The following DPH6 variants were observed in gnomAD, a reference collection of about 807,000 sequenced individuals.
DPH6 encodes the protein diphthine--ammonia ligase.
DPH6 carries 33 observed loss-of-function variants against 38.2 expected under a neutral mutation model. The ratio of observed to expected loss-of-function variants is 0.86; its 90% CI spans 0.65 to 1.15. The LOEUF is 1.15. DPH6 is among the 50% of genes most tolerant of loss of function. The probability of loss-of-function intolerance (pLI) is 0.00; values close to 1 mark genes in which losing one functional copy is unlikely to be tolerated. For missense variants in DPH6, 325 were observed against 320.0 expected, an observed-to-expected ratio of 1.02 and a Z score of -0.12; for synonymous variants, 108 against 103.0, an observed-to-expected ratio of 1.05 and a Z score of -0.30.
chr15:35,365,688 GT>G (rs1307870161), intron 3 of DPH6: 1 of 761,918 alleles, frequency 1.3e-6, no homozygotes, highest in Non-Finnish European at 1.6e-6. Flanking sequence ...GCATTGCCCA[GT>G]TTGATTCCCA....
chr15:35,294,769 T>C (rs1478224770), intron 3 of DPH6, among the ~76,000 whole-genome samples: 1 of 151,836 alleles, frequency 6.6e-6, no homozygotes, highest in Admixed American at 6.6e-5. Context: ...CTGTGACATA[T>C]GAGATAAAGG....
At chr15:35,406,310 A>C (rs2053292713) in intron 6 of DPH6, among the ~76,000 whole-genome samples, 2 of 152,070 alleles carry the variant, frequency 1.3e-5, no homozygotes, top group Admixed American at 1.3e-4. Context: ...TATTCCATTG[A>C]CTACCTATCT....
At chr15:35,163,780 A>G in the DPH6 span, among the ~76,000 whole-genome samples, 20 of 151,788 alleles carry the variant, frequency 1.3e-4, no homozygotes, top group Admixed American at 1.3e-3. Context: ...CAGAGCAACA[A>G]ATTCTTTCCA....
chr15:35,367,993 A>C (rs1260987157), downstream of DPH6, among the ~76,000 whole-genome samples: 1 of 151,950 alleles, frequency 6.6e-6, no homozygotes, highest in East Asian at 1.9e-4. Context: ...ATTAGAACTA[A>C]TAGCTGTTAC....
intron 3 of DPH6, among the ~76,000 whole-genome samples, chr15:35,262,492 G>A (rs2051753976): frequency 6.6e-6 from 1 of 152,038 alleles, no homozygotes; most frequent in African/African-American, 2.4e-5. Flanking sequence ...GGATCACCAG[G>A]TCAGGAGATG....
At chr15:35,375,752 G>A (rs1205374266) in intron 7 of DPH6, among the ~76,000 whole-genome samples, 1 of 151,920 alleles carries the variant, frequency 6.6e-6, no homozygotes, top group Non-Finnish European at 1.5e-5. Flanking sequence ...GGGCAGCTGG[G>A]TTTGGTTTGG....
At chr15:35,473,660 C>T (rs2054224358) in intron 3 of DPH6, among the ~76,000 whole-genome samples, 1 of 152,004 alleles carries the variant, frequency 6.6e-6, no homozygotes, top group Non-Finnish European at 1.5e-5. Flanking sequence ...CTCTCTTAGG[C>T]CCATAAATTC....
chr15:35,397,048 T>C (rs766695593), intron 6 of DPH6, among the ~76,000 whole-genome samples: 1 of 152,250 alleles, frequency 6.6e-6, no homozygotes, highest in Non-Finnish European at 1.5e-5. Flanking sequence ...CTGGATCTAA[T>C]CTTTTATGAG....
At chr15:35,431,348 G>T (rs13380047) in intron 5 of DPH6, among the ~76,000 whole-genome samples, 51,072 of 151,872 alleles carry the variant, frequency 0.34, 10,133 homozygotes, top group African/African-American at 0.56. Flanking sequence ...GTAAAACAAT[G>T]GTTTTACTGA....
intron 3 of DPH6, among the ~76,000 whole-genome samples, chr15:35,258,608 C>T (rs1869787928): frequency 6.6e-6 from 1 of 152,168 alleles, no homozygotes; most frequent in Admixed American, 6.5e-5. Context: ...TATAAGCTGT[C>T]TCAGCAAGCT....
At chr15:35,310,412 T>C (rs1356148711) in intron 3 of DPH6, among the ~76,000 whole-genome samples, 1 of 152,108 alleles carries the variant, frequency 6.6e-6, no homozygotes, top group Non-Finnish European at 1.5e-5. Context: ...CTTCTCTCAT[T>C]TTACCTGAGG....
intron 3 of DPH6, among the ~76,000 whole-genome samples, chr15:35,484,075 A>G (rs2054364038): frequency 3.9e-5 from 6 of 152,200 alleles, no homozygotes; most frequent in Admixed American, 3.9e-4. Flanking sequence ...GTAATTGTGG[A>G]CATGATGGCA....
At chr15:35,232,095 G>C (rs2051521952) in intron 3 of DPH6, among the ~76,000 whole-genome samples, 1 of 152,118 alleles carries the variant, frequency 6.6e-6, no homozygotes, top group South Asian at 2.1e-4. Context: ...AGGGAGTGAG[G>C]TGCTCAAAAT....
chr15:35,291,949 A>G (rs1379399805), intron 3 of DPH6, among the ~76,000 whole-genome samples: 1 of 151,836 alleles, frequency 6.6e-6, no homozygotes, highest in Non-Finnish European at 1.5e-5. Context: ...TTGCTCACTT[A>G]GTTTTTTTCT....
chr15:35,545,983 T>A (rs2055346198), intron 1 of DPH6, 136 bp downstream of exon 1: 5 of 809,250 alleles, frequency 6.2e-6, no homozygotes, highest in Non-Finnish European at 8.4e-6. Context: ...CTCCGCCTCT[T>A]CCTGTGGCTC....
intron 3 of DPH6, among the ~76,000 whole-genome samples, chr15:35,345,398 C>T (rs545573604): frequency 4.6e-5 from 7 of 151,872 alleles, no homozygotes; most frequent in Non-Finnish European, 8.9e-5. Flanking sequence ...TACAAGCAGT[C>T]ATTTCCATCA....
chr15:35,176,394 C>A, the DPH6 span, among the ~76,000 whole-genome samples: 1 of 152,024 alleles, frequency 6.6e-6, no homozygotes, highest in Non-Finnish European at 1.5e-5. Context: ...TTGGCTATTG[C>A]CAGGCCTAAC....
chr15:35,185,754 G>A, the DPH6 span, among the ~76,000 whole-genome samples: 8 of 128,722 alleles, frequency 6.2e-5, no homozygotes, highest in African/African-American at 1.9e-4. Context: ...TTTTTGATAC[G>A]GAGTCTGTCT....
chr15:35,173,965 G>A, the DPH6 span, among the ~76,000 whole-genome samples: 1 of 152,134 alleles, frequency 6.6e-6, no homozygotes, highest in African/African-American at 2.4e-5. Flanking sequence ...GCCAGGTGCT[G>A]GTTTAGGTGT....
Sources: gnomAD v4.1 joint callset for allele counts (sites outside exome capture counted in the v4.1 genomes callset) on GRCh38, gnomAD v4.1.1 for gene constraint, MANE v1.5 for transcripts, NCBI Gene and HGNC (gene_info 2026-07-23, HGNC 2026-07-21) for gene names.